SHANK2: variants seen among roughly 807,000 people sequenced by gnomAD.
SHANK2 encodes SH3 and multiple ankyrin repeat domains 2, also known as SH3 and multiple ankyrin repeat domains protein 2.
A neutral mutation model predicts 133.7 loss-of-function variants in SHANK2; 43 were observed. The observed-to-expected ratio is 0.32, with a 90% CI of 0.25 to 0.41. The LOEUF (loss-of-function observed/expected upper bound fraction) is 0.41, where lower values mean the gene tolerates loss of function less well. Ranked by LOEUF, SHANK2 falls within the 10% of genes least tolerant of loss-of-function variation. The pLI is 1.00. For missense variants in SHANK2, 1,994 were observed against 2,235.8 expected (o/e 0.89, Z 2.18); for synonymous variants, 1,017 against 952.8 (o/e 1.07, Z -1.24).
At chr11:70,659,759 G>A (rs2061457053) in intron 17 of SHANK2, 69 bp downstream of exon 17, 8 of 1,599,958 alleles carry the variant, frequency 5.0e-6, no homozygotes, top group Non-Finnish European at 6.8e-6. Context: ...GTGCTGCCAG[G>A]ACTACGACCC....
At chr11:70,880,588 G>A (rs1405647433) in intron 11 of SHANK2, among the ~76,000 whole-genome samples, 8 of 152,216 alleles carry the variant, frequency 5.3e-5, no homozygotes, top group Non-Finnish European at 1.0e-4. Context: ...CCAGGGGCAT[G>A]TGCCCATGGA....
chr11:70,595,306 A>G (rs12418394), intron 17 of SHANK2, among the ~76,000 whole-genome samples: 1 of 152,062 alleles, frequency 6.6e-6, no homozygotes, highest in Non-Finnish European at 1.5e-5. Flanking sequence ...CCACCCTCCA[A>G]GCGCCCCCTC....
intron 4 of SHANK2, among the ~76,000 whole-genome samples, chr11:71,115,330 G>A (rs142939607): frequency 0.028 from 4,283 of 152,168 alleles, 199 homozygotes; most frequent in African/African-American, 0.098. Flanking sequence ...TTAGCTGGGC[G>A]TGGTGGTGGG....
At chr11:70,895,902 T>C (rs953904383) in intron 11 of SHANK2, among the ~76,000 whole-genome samples, 1 of 151,882 alleles carries the variant, frequency 6.6e-6, no homozygotes, top group Admixed American at 6.6e-5. Context: ...GCAGAAGGAA[T>C]AGAGCTTACC....
chr11:71,126,339 A>T (rs1474817104), intron 3 of SHANK2, among the ~76,000 whole-genome samples: 2 of 152,114 alleles, frequency 1.3e-5, no homozygotes, highest in East Asian at 3.8e-4. Flanking sequence ...GAATATTGTA[A>T]GCCCACTGTT....
At chr11:71,130,334 C>G (rs1192352136) in intron 3 of SHANK2, among the ~76,000 whole-genome samples, 1 of 152,118 alleles carries the variant, frequency 6.6e-6, no homozygotes, top group East Asian at 1.9e-4. Context: ...AAACCAGCGC[C>G]GAAAAGTATC....
At chr11:70,670,120 T>C (rs1944767667) in intron 15 of SHANK2, among the ~76,000 whole-genome samples, 1 of 152,156 alleles carries the variant, frequency 6.6e-6, no homozygotes, top group South Asian at 2.1e-4. Context: ...GGTGCGTTTA[T>C]TGCCCCTGAA....
intron 11 of SHANK2, among the ~76,000 whole-genome samples, chr11:70,824,605 C>T (rs1009353363): frequency 8.5e-5 from 13 of 152,148 alleles, no homozygotes; most frequent in African/African-American, 2.7e-4. Flanking sequence ...AGCCACCACC[C>T]ACGAGAAAAA....
At chr11:71,103,739 T>C (rs976759236) in intron 6 of SHANK2, among the ~76,000 whole-genome samples, 1 of 151,998 alleles carries the variant, frequency 6.6e-6, no homozygotes, top group Non-Finnish European at 1.5e-5. Context: ...TCATGAATGG[T>C]TTAGCACCAT....
intron 14 of SHANK2, among the ~76,000 whole-genome samples, chr11:70,722,525 T>C (rs1946093764): frequency 6.6e-6 from 1 of 152,268 alleles, no homozygotes; most frequent in Non-Finnish European, 1.5e-5. Context: ...TCTGACTGCA[T>C]GGATTCATAA....
intron 11 of SHANK2, among the ~76,000 whole-genome samples, chr11:70,874,424 C>T (rs2135553405): frequency 6.6e-6 from 1 of 152,298 alleles, no homozygotes; most frequent in Non-Finnish European, 1.5e-5. Flanking sequence ...CTCACTGTAG[C>T]CTACAACTCC....
At chr11:71,176,209 C>G (rs1271580987) in intron 2 of SHANK2, among the ~76,000 whole-genome samples, 4 of 152,096 alleles carry the variant, frequency 2.6e-5, no homozygotes, top group Non-Finnish European at 5.9e-5. Flanking sequence ...AAAGCAAGAC[C>G]CAAAAGGATC....
intron 4 of SHANK2, among the ~76,000 whole-genome samples, chr11:71,117,788 G>C (rs185935409): frequency 3.9e-4 from 59 of 152,298 alleles, no homozygotes; most frequent in Non-Finnish European, 5.9e-4. Flanking sequence ...TTCATCAGCT[G>C]TGCGTTTGTA....
At chr11:70,757,213 G>A (rs1259691231) in intron 14 of SHANK2, among the ~76,000 whole-genome samples, 1 of 152,248 alleles carries the variant, frequency 6.6e-6, no homozygotes, top group Non-Finnish European at 1.5e-5. Context: ...CTGGACTCCT[G>A]GGTTTGAATC....
chr11:70,758,383 C>T (rs1711724285), intron 14 of SHANK2, among the ~76,000 whole-genome samples: 1 of 152,256 alleles, frequency 6.6e-6, no homozygotes. Flanking sequence ...CCGCCGTTGA[C>T]TTCCACCCCT....
At chr11:70,793,118 CA>C (rs1287167261) in intron 14 of SHANK2, among the ~76,000 whole-genome samples, 7 of 152,244 alleles carry the variant, frequency 4.6e-5, no homozygotes, top group African/African-American at 1.7e-4. Flanking sequence ...GGATTAGATT[CA>C]AAATTTTAAA....
chr11:70,666,396 G>C (rs955024605), intron 15 of SHANK2, among the ~76,000 whole-genome samples: 2 of 152,184 alleles, frequency 1.3e-5, no homozygotes, highest in Non-Finnish European at 2.9e-5. Context: ...AGACAGGGGG[G>C]TCTCACACGC....
intron 17 of SHANK2, among the ~76,000 whole-genome samples, chr11:70,619,089 C>G (rs1183200345): frequency 3.9e-5 from 6 of 152,184 alleles, no homozygotes; most frequent in Non-Finnish European, 5.9e-5. Context: ...CCAGGGGAGG[C>G]GGACCCCAGC....
intron 15 of SHANK2, among the ~76,000 whole-genome samples, chr11:70,687,961 T>C (rs1244311165): frequency 6.6e-6 from 1 of 152,260 alleles, no homozygotes; most frequent in Admixed American, 6.5e-5. Flanking sequence ...GAGGCTGCTC[T>C]GAGCCAGGAG....
Sources: gnomAD v4.1 joint callset for allele counts (sites outside exome capture counted in the v4.1 genomes callset) on GRCh38, gnomAD v4.1.1 for gene constraint, MANE v1.5 for transcripts, NCBI Gene and HGNC (gene_info 2026-07-23, HGNC 2026-07-21) for gene names.